Variants in DIAPH2 observed in about 807,000 individuals in gnomAD.
DIAPH2 encodes the protein diaphanous related formin 2.
DIAPH2 carries 35 observed loss-of-function variants against 92.7 expected under a neutral mutation model. The observed-to-expected ratio is 0.38, with a 90% CI of 0.29 to 0.50. DIAPH2 has a LOEUF of 0.50. Among genes scored for constraint, DIAPH2 ranks in the 20% least tolerant of loss-of-function variants. DIAPH2 has a pLI of 0.94. For synonymous variants in DIAPH2, 301 were observed against 280.4 expected (o/e 1.07, Z -0.73); for missense variants, 701 against 819.5 (o/e 0.86, Z 1.77).
rs144091570 is a variant in DIAPH2 at position 97,244,284 on chromosome X, A to C, written c.2720-3431A>C. 6.0e-3 allele frequency among the ~76,000 whole-genome samples: 668 copies of C among 112,076 alleles called. 2 individuals are homozygous for C. Among genetic ancestry groups the C allele is most frequent in the African/African-American group, 0.02 (626 of 30,920 alleles). ...AAAATATTCTCACTTATTACTTGAC[A>C]TATGTAGACTGCTGTGTGCATAGCA... On this transcript the variant is annotated intron_variant, in intron 22 of 26. Transcript: ENST00000324765.
At chrX:96,745,897 A>C (rs191091808) in intron 3 of DIAPH2, among the ~76,000 whole-genome samples, 1 of 111,791 alleles carries the variant, frequency 8.9e-6, no homozygotes, top group African/African-American at 3.2e-5. Context: ...TAAAGTTCCA[A>C]ATTTGAAATA....
chrX:96,697,236 C>T (rs1388466047), intron 1 of DIAPH2, among the ~76,000 whole-genome samples: 1 of 109,601 alleles, frequency 9.1e-6, no homozygotes, highest in African/African-American at 3.3e-5. Flanking sequence ...CAGATTGCCT[C>T]CTTCATCAGT....
chrX:96,771,261 A>G (rs779250129), intron 4 of DIAPH2, among the ~76,000 whole-genome samples: 1 of 112,063 alleles, frequency 8.9e-6, no homozygotes, highest in African/African-American at 3.2e-5. Context: ...TTTATAATCT[A>G]TCCTGATATT....
chrX:97,203,125 G>C (rs942321716), intron 22 of DIAPH2, among the ~76,000 whole-genome samples: 1 of 111,863 alleles, frequency 8.9e-6, no homozygotes, highest in Non-Finnish European at 1.9e-5. Flanking sequence ...AAACCAATGA[G>C]AACAAGGAGA....
At chrX:97,001,563 T>G (rs1000133807) in intron 17 of DIAPH2, among the ~76,000 whole-genome samples, 1 of 110,745 alleles carries the variant, frequency 9.0e-6, no homozygotes, top group African/African-American at 3.3e-5. Context: ...GGAGAATCGA[T>G]TGAACCTGGG....
At chrX:96,891,981 CAT>C (rs1024323737) in intron 5 of DIAPH2, among the ~76,000 whole-genome samples, 2 of 112,237 alleles carry the variant, frequency 1.8e-5, no homozygotes, top group Non-Finnish European at 3.8e-5. Flanking sequence ...TAGATTTAAA[CAT>C]ATTTTTCTAG....
chrX:96,762,334 T>A (rs1037797482), intron 4 of DIAPH2, among the ~76,000 whole-genome samples: 10 of 111,576 alleles, frequency 9.0e-5, no homozygotes, highest in Non-Finnish European at 1.9e-4. Context: ...AGCTGCAATT[T>A]TTGAACTATT....
At chrX:97,571,468 A>G (rs927445667) in intron 26 of DIAPH2, among the ~76,000 whole-genome samples, 2 of 111,715 alleles carry the variant, frequency 1.8e-5, no homozygotes, top group Non-Finnish European at 3.8e-5. Context: ...AAAATACAGT[A>G]GATGATTATT....
chrX:97,132,956 T>A (rs2067147662), intron 21 of DIAPH2, among the ~76,000 whole-genome samples: 1 of 110,937 alleles, frequency 9.0e-6, no homozygotes, highest in Non-Finnish European at 1.9e-5. Context: ...ATAAGTTTGC[T>A]GAAGTTCATG....
Position 96,881,638 on chromosome X carries a change from A to G in DIAPH2, c.507A>G (p.Glu169=). The change falls in exon 5 of 27, where the codon GAA becomes GAG. Residue 169 remains glutamate, a synonymous_variant. Coordinates refer to ENST00000324765, the MANE Select transcript of DIAPH2 (RefSeq NM_006729.5). ...CTLSSQEYVH[E]LRSGISDEKL... ...TGTCTTCACAAGAATATGTTCATGAATTACGATCGGGTATATCAGATGAGA... is the reference window on the plus strand; with the variant it reads ...TGTCTTCACAAGAATATGTTCATGAGTTACGATCGGGTATATCAGATGAGA... 1.7e-6 allele frequency: 2 copies of G among 1,208,107 alleles called. No individual in the cohort carries two copies. The highest frequency in any genetic ancestry group is 3.5e-5 in the African/African-American group (2 of 57,710).
chrX:97,347,729 T>C (rs1336143876), intron 23 of DIAPH2, among the ~76,000 whole-genome samples: 2 of 111,354 alleles, frequency 1.8e-5, no homozygotes, highest in Non-Finnish European at 3.8e-5. Flanking sequence ...CCTCAGAATG[T>C]GACTATATTT....
chrX:96,830,239 AG>A (rs1452193150), intron 4 of DIAPH2, among the ~76,000 whole-genome samples: 1 of 111,541 alleles, frequency 9.0e-6, no homozygotes, highest in Admixed American at 9.5e-5. Context: ...CATATGGCAA[AG>A]GGCTCATTAT....
intron 24 of DIAPH2, among the ~76,000 whole-genome samples, chrX:97,371,423 A>C (rs1448764780): frequency 9.0e-6 from 1 of 111,470 alleles, no homozygotes; most frequent in Non-Finnish European, 1.9e-5. Context: ...TTTAAGGAAG[A>C]TATTGACCAA....
intron 25 of DIAPH2, among the ~76,000 whole-genome samples, chrX:97,410,312 G>A (rs2069855895): frequency 8.9e-6 from 1 of 112,061 alleles, no homozygotes; most frequent in Admixed American, 9.5e-5. Context: ...AGCTGCAGCT[G>A]AGGGACCTGA....
chrX:97,213,012 A>T (rs1389768066), intron 22 of DIAPH2, among the ~76,000 whole-genome samples: 1 of 111,905 alleles, frequency 8.9e-6, no homozygotes, highest in Non-Finnish European at 1.9e-5. Flanking sequence ...AATGGATGAT[A>T]TGTGTAGAAA....
At chrX:97,073,496 G>A (rs760017692) in intron 18 of DIAPH2, among the ~76,000 whole-genome samples, 3 of 112,129 alleles carry the variant, frequency 2.7e-5, no homozygotes, top group Non-Finnish European at 5.6e-5. Flanking sequence ...TTAAAAACTG[G>A]TTAGTGAATC....
intron 24 of DIAPH2, among the ~76,000 whole-genome samples, chrX:97,365,816 C>G: frequency 9.2e-6 from 1 of 108,995 alleles, no homozygotes; most frequent in South Asian, 4.2e-4. Context: ...GTTCTCCTGC[C>G]CCAGCCTCCC....
At chrX:97,195,409 C>T (rs1295225432) in intron 22 of DIAPH2, among the ~76,000 whole-genome samples, 1 of 111,037 alleles carries the variant, frequency 9.0e-6, no homozygotes, top group African/African-American at 3.3e-5. Flanking sequence ...GCCTGTAATC[C>T]CAGCACTTTG....
In DIAPH2 at chrX:97,241,771, ATTTTTTTT is replaced by A. The variant is rs141923182; in HGVS notation, c.2720-5928_2720-5921del. Reference sequence around the variant, plus strand: ...AATAGATAAGAGTTTAAGTAGGCTGATTTTTTTTTTTTTTTTTTTTTTTGAGACGGAGT... The same window carrying A: ...AATAGATAAGAGTTTAAGTAGGCTGATTTTTTTTTTTTTTTGAGACGGAGT... On this transcript the variant is annotated intron_variant, in intron 22 of 26. Transcript: ENST00000324765. Among the ~76,000 whole-genome samples, 3 of 50,980 alleles carry A rather than the reference ATTTTTTTT, an allele frequency of 5.9e-5. No individual in the cohort carries two copies. The Admixed American group carries it at 8.5e-4, about 15-fold the overall frequency. The allele number at this position is 50,980 out of a possible 115,157, so 44.3% of individuals were successfully genotyped here.
Sources: gnomAD v4.1 joint callset for allele counts (sites outside exome capture counted in the v4.1 genomes callset) on GRCh38, gnomAD v4.1.1 for gene constraint, MANE v1.5 for transcripts, NCBI Gene and HGNC (gene_info 2026-07-23, HGNC 2026-07-21) for gene names.